PDSS2: variants seen among roughly 807,000 people sequenced by gnomAD.
PDSS2 encodes all trans-polyprenyl-diphosphate synthase PDSS2.
In PDSS2, 31 loss-of-function variants were observed where a neutral mutation model predicts 44.5. That is an observed-to-expected ratio of 0.70 (90% CI 0.52 to 0.94). PDSS2 has a LOEUF of 0.94. PDSS2 is among the 40% of genes least tolerant of loss of function. The pLI is 0.00. For missense variants in PDSS2, 452 were observed against 482.2 expected (o/e 0.94, Z 0.59); for synonymous variants, 157 against 180.3 (o/e 0.87, Z 1.03).
chr6:107,327,044 T>C (rs1481385794), intron 2 of PDSS2, among the ~76,000 whole-genome samples: 10 of 152,302 alleles, frequency 6.6e-5, no homozygotes, highest in Non-Finnish European at 5.9e-5. Flanking sequence ...TTGATCTCTA[T>C]AGCAAACAGA....
intron 2 of PDSS2, among the ~76,000 whole-genome samples, chr6:107,322,677 C>T (rs986324401): frequency 2.0e-5 from 3 of 152,086 alleles, no homozygotes; most frequent in Non-Finnish European, 4.4e-5. Flanking sequence ...AAACACCTCT[C>T]TACAAAAAAT....
chr6:107,310,327 TA>T (rs576578623), intron 2 of PDSS2, among the ~76,000 whole-genome samples: 115 of 149,114 alleles, frequency 7.7e-4, no homozygotes, highest in African/African-American at 2.7e-3. Context: ...GCAATTGTCT[TA>T]AGACTCCCTC....
intron 4 of PDSS2, among the ~76,000 whole-genome samples, chr6:107,242,473 C>A (rs1251644737): frequency 2.6e-5 from 4 of 151,990 alleles, no homozygotes; most frequent in Non-Finnish European, 5.9e-5. Flanking sequence ...CTCGATCTCC[C>A]GACCTCGTGA....
intron 6 of PDSS2, among the ~76,000 whole-genome samples, chr6:107,207,153 C>T (rs941310912): frequency 1.3e-5 from 2 of 151,630 alleles, no homozygotes; most frequent in South Asian, 2.1e-4. Context: ...CCACTGTGCC[C>T]GACTAATTTT....
chr6:107,200,727 C>T (rs1244851464), intron 6 of PDSS2, among the ~76,000 whole-genome samples: 1 of 152,110 alleles, frequency 6.6e-6, no homozygotes, highest in Non-Finnish European at 1.5e-5. Context: ...AGTGGAATAG[C>T]GTGATTTCGG....
intron 1 of PDSS2, among the ~76,000 whole-genome samples, chr6:107,368,697 A>C (rs1779038587): frequency 6.6e-6 from 1 of 151,938 alleles, no homozygotes; most frequent in Admixed American, 6.6e-5. Flanking sequence ...TCTACAAAAA[A>C]CATACCAGGC....
chr6:107,384,687 G>A (rs1362925688), intron 1 of PDSS2, among the ~76,000 whole-genome samples: 8 of 151,196 alleles, frequency 5.3e-5, no homozygotes, highest in Non-Finnish European at 1.0e-4. Flanking sequence ...CCACTAAACT[G>A]TATACTTAAA....
intron 4 of PDSS2, among the ~76,000 whole-genome samples, chr6:107,237,798 C>T (rs1403100002): frequency 4.0e-5 from 6 of 149,006 alleles, no homozygotes; most frequent in African/African-American, 1.2e-4. Flanking sequence ...TGGGAAGCTG[C>T]GGCAGGTGAA....
chr6:107,450,071 T>C (rs953995976), intron 1 of PDSS2, among the ~76,000 whole-genome samples: 1 of 152,184 alleles, frequency 6.6e-6, no homozygotes. Context: ...AGCAGAATTG[T>C]TGGGTCATAT....
At chr6:107,181,718 C>G (rs991299709) in intron 7 of PDSS2, among the ~76,000 whole-genome samples, 1 of 151,486 alleles carries the variant, frequency 6.6e-6, no homozygotes, top group South Asian at 2.1e-4. Context: ...GGTGAAACCC[C>G]ATCTCTACTA....
At position 107,459,086 on chromosome 6, in the gene PDSS2, A is replaced by C. The variant is rs1379758287; in HGVS notation, c.200T>G (p.Met67Arg). The C allele has an allele frequency of 6.2e-7, 1 of 1,614,186 alleles. No individual in the cohort carries two copies. Among genetic ancestry groups the C allele is most frequent in the Non-Finnish European group, 8.5e-7 (1 of 1,180,030 alleles). The change falls in exon 1 of 8, where the codon ATG becomes AGG. Residue 67 changes from methionine to arginine, a missense_variant. Transcript: ENST00000369037. The surrounding 1 kb of genome is among the most constrained non-coding windows in gnomAD (Gnocchi z 4.3). ...GTCGCTCAGCAGGCAGCGAAGGCTC[A>C]TGAAGGACGTGGGGTACCCCACGAT... ...EKIVGYPTSF[M>R]SLRCLLSDEL...
intron 1 of PDSS2, among the ~76,000 whole-genome samples, chr6:107,402,215 G>A (rs928994100): frequency 1.2e-4 from 18 of 151,672 alleles, no homozygotes; most frequent in African/African-American, 4.1e-4. Flanking sequence ...AGGAGGCAGA[G>A]GTTGCAGTGA....
intron 1 of PDSS2, among the ~76,000 whole-genome samples, chr6:107,392,402 C>A (rs1416606378): frequency 6.6e-6 from 1 of 152,096 alleles, no homozygotes; most frequent in Non-Finnish European, 1.5e-5. Context: ...TTAAAACATT[C>A]TTTAAAAGAG....
chr6:107,347,261 T>G, intron 1 of PDSS2, among the ~76,000 whole-genome samples: 1 of 139,030 alleles, frequency 7.2e-6, no homozygotes, highest in South Asian at 2.4e-4. Flanking sequence ...ATCTTCTTTT[T>G]TTTTTTTTTT....
intron 1 of PDSS2, among the ~76,000 whole-genome samples, chr6:107,364,426 C>T (rs1402089681): frequency 6.6e-6 from 1 of 152,242 alleles, no homozygotes; most frequent in Admixed American, 6.5e-5. Context: ...AAATCGAGCA[C>T]AGCGCCAGTG....
At chr6:107,448,932 C>A (rs1583100873) in intron 1 of PDSS2, among the ~76,000 whole-genome samples, 1 of 152,236 alleles carries the variant, frequency 6.6e-6, no homozygotes, top group East Asian at 1.9e-4. Flanking sequence ...TACTCACTAT[C>A]ATGAAAACAG....
intron 1 of PDSS2, among the ~76,000 whole-genome samples, chr6:107,380,256 G>A (rs142876290): frequency 2.6e-5 from 4 of 152,134 alleles, no homozygotes; most frequent in African/African-American, 9.7e-5. Context: ...CTGGAGCTCT[G>A]TTGACGTGGT....
rs144675530 is a variant in PDSS2 at position 107,313,810 on chromosome 6, G to A, written c.431+20388C>T. 5.9e-4 allele frequency among the ~76,000 whole-genome samples: 89 copies of A among 151,884 alleles called. 1 individual carries two copies. Among genetic ancestry groups the A allele is most frequent in the Admixed American group, 4.6e-4 (7 of 15,244 alleles). ...TGAGTAGGGTATCCTCTTTTGTTTCGTATGAAATAACATAATATTCTTATA... is the reference window on the plus strand; with the variant it reads ...TGAGTAGGGTATCCTCTTTTGTTTCATATGAAATAACATAATATTCTTATA... On this transcript the variant is annotated intron_variant, in intron 2 of 7. Coordinates refer to ENST00000369037, the MANE Select transcript of PDSS2 (RefSeq NM_020381.4).
chr6:107,248,524 A>G lies in PDSS2; in HGVS notation c.631-2905T>C, dbSNP rs866074029. On this transcript the variant is annotated intron_variant, in intron 3 of 7. Coordinates refer to ENST00000369037, the MANE Select transcript of PDSS2 (RefSeq NM_020381.4). ...ACAGATTAGGGAACTGTTAAAAAAA[A>G]AAAAAAAAAAAAAGCAGAATACTAG... Among the ~76,000 whole-genome samples the G allele has an allele frequency of 7.4e-4, 113 of 151,682 alleles. 3 individuals carry two copies. The highest frequency in any genetic ancestry group is 3.4e-3 in the Middle Eastern group (1 of 294).
Sources: allele counts gnomAD v4.1 joint callset (sites outside exome capture counted in the v4.1 genomes callset), GRCh38; gene constraint gnomAD v4.1.1; non-coding constraint Gnocchi (gnomAD v3.1); transcripts MANE v1.5; gene names NCBI Gene and HGNC (gene_info 2026-07-23, HGNC 2026-07-21).